The following GHR variants were observed in gnomAD, a reference collection of about 807,000 sequenced individuals.
GHR encodes GH receptor.
GHR carries 35 observed loss-of-function variants against 67.1 expected under a neutral mutation model. The ratio of observed to expected loss-of-function variants is 0.52; its 90% CI spans 0.40 to 0.69. The LOEUF is 0.69. GHR is among the 30% of genes least tolerant of loss of function. The pLI is 0.00. For missense variants in GHR, 792 were observed against 764.6 expected (o/e 1.04, Z -0.42); for synonymous variants, 272 against 269.1 (o/e 1.01, Z -0.10).
At chr5:42,590,109 A>T (rs568030884) in intron 2 of GHR, among the ~76,000 whole-genome samples, 1 of 152,232 alleles carries the variant, frequency 6.6e-6, no homozygotes, top group Non-Finnish European at 1.5e-5. Context: ...AATGAGGAAC[A>T]TATAAAATGT....
chr5:42,619,146 A>G (rs140429631), intron 2 of GHR, among the ~76,000 whole-genome samples: 5 of 152,220 alleles, frequency 3.3e-5, no homozygotes, highest in Non-Finnish European at 7.4e-5. Flanking sequence ...AAGATACATC[A>G]TAAGGGGAAT....
intron 4 of GHR, 137 bp downstream of exon 4, chr5:42,689,156 G>A (rs1201220184): frequency 2.3e-6 from 2 of 854,162 alleles, no homozygotes; most frequent in African/African-American, 1.7e-5. Flanking sequence ...CTCATTTATT[G>A]AAAAAAATAT....
intron 1 of GHR, chr5:42,550,096 G>A (rs1378923952): frequency 1.0e-6 from 1 of 977,710 alleles, no homozygotes; most frequent in African/African-American, 1.8e-5. Context: ...TATTAGCTAT[G>A]ACAGCACGTA....
At chr5:42,430,123 T>G (rs1743028437) in intron 1 of GHR, among the ~76,000 whole-genome samples, 1 of 152,212 alleles carries the variant, frequency 6.6e-6, no homozygotes, top group African/African-American at 2.4e-5. Flanking sequence ...GTTGTAGGTC[T>G]GGACAGGAGC....
chr5:42,646,401 A>G (rs1309452537), intron 3 of GHR: 9 of 452,194 alleles, frequency 2.0e-5, no homozygotes, highest in South Asian at 1.4e-4. Context: ...AGGTTTTGGC[A>G]TGAAAACTAA....
intron 3 of GHR, among the ~76,000 whole-genome samples, chr5:42,648,375 G>C (rs553462862): frequency 1.3e-5 from 2 of 152,286 alleles, no homozygotes; most frequent in African/African-American, 4.8e-5. Flanking sequence ...ATTTTCTAGG[G>C]TGAGGGGACA....
At chr5:42,657,616 G>A (rs1032902935) in intron 3 of GHR, among the ~76,000 whole-genome samples, 2 of 152,070 alleles carry the variant, frequency 1.3e-5, no homozygotes, top group African/African-American at 4.8e-5. Context: ...CTCATAATGG[G>A]AATTTAGAAG....
intron 2 of GHR, among the ~76,000 whole-genome samples, chr5:42,613,352 G>A (rs1752979991): frequency 6.6e-6 from 1 of 152,088 alleles, no homozygotes; most frequent in African/African-American, 2.4e-5. Context: ...CAGTTAAGCT[G>A]TAATCAACTT....
intron 1 of GHR, among the ~76,000 whole-genome samples, chr5:42,480,520 C>A (rs1229504383): frequency 6.6e-6 from 1 of 152,174 alleles, no homozygotes; most frequent in African/African-American, 2.4e-5. Flanking sequence ...GTGTGGGAGT[C>A]TAAGTCTCTT....
rs1301367033 is a variant in GHR, at chr5:42,612,837, T to C, written c.71-16201T>C. ...GAGATTTCAATCTGACTCCAAAGCC[T>C]TGACCCTCACAAACAGTGTTGTTTG... On this transcript the variant is annotated intron_variant, in intron 2 of 9. Transcript: ENST00000230882. Among the ~76,000 whole-genome samples the C allele has an allele frequency of 2.0e-5, 3 of 152,134 alleles. No homozygotes were observed. The East Asian group carries it at 5.8e-4, about 29-fold the overall frequency.
At chr5:42,684,070 A>C (rs781155242) in intron 3 of GHR, among the ~76,000 whole-genome samples, 4 of 152,132 alleles carry the variant, frequency 2.6e-5, no homozygotes, top group Non-Finnish European at 5.9e-5. Context: ...TATTTTACAG[A>C]GAATATAGGA....
Position 42,711,282 on chromosome 5 carries a change from T to G in GHR, c.694T>G (p.Ser232Ala). Residue 232 changes from serine to alanine, a missense_variant, in exon 7 of 10, where the codon TCC (serine) becomes GCC (alanine). Ser to Ala is a moderately conservative substitution (Grantham distance 99). Coordinates refer to ENST00000230882, the MANE Select transcript of GHR (RefSeq NM_000163.5). ...VDKEYEVRVR[S>A]KQRNSGNYGE... ...TAAGGAATATGAAGTGCGTGTGAGATCCAAACAACGAAACTCTGGAAATTA... is the reference window on the plus strand; with the variant it reads ...TAAGGAATATGAAGTGCGTGTGAGAGCCAAACAACGAAACTCTGGAAATTA... 5.0e-6 allele frequency: 8 copies of G among 1,613,016 alleles called. No homozygotes were observed. Among genetic ancestry groups the G allele is most frequent in the Non-Finnish European group, 6.8e-6 (8 of 1,179,018 alleles).
chr5:42,702,885 G>A (rs1757997142), intron 6 of GHR, among the ~76,000 whole-genome samples: 1 of 151,788 alleles, frequency 6.6e-6, no homozygotes, highest in Non-Finnish European at 1.5e-5. Flanking sequence ...TTATATTCAG[G>A]TCCTTTGCCC....
chr5:42,479,768 TTC>T (rs1411845285), intron 1 of GHR, among the ~76,000 whole-genome samples: 1 of 152,204 alleles, frequency 6.6e-6, no homozygotes, highest in Non-Finnish European at 1.5e-5. Flanking sequence ...TATTTGATTA[TTC>T]TCTCTTTTCT....
chr5:42,436,691 T>C (rs368492591), intron 1 of GHR, among the ~76,000 whole-genome samples: 1 of 152,362 alleles, frequency 6.6e-6, no homozygotes, highest in African/African-American at 2.4e-5. Context: ...GCCTGAGTTT[T>C]GGATAGTTGA....
chr5:42,693,381 C>T (rs1200200819), intron 4 of GHR, among the ~76,000 whole-genome samples: 3 of 151,932 alleles, frequency 2.0e-5, no homozygotes, highest in Non-Finnish European at 4.4e-5. Flanking sequence ...ACCCATGATC[C>T]GCCTGCCTCA....
rs2111848365 is a variant in GHR, at chr5:42,424,035, C to G, written c.-12+80C>G. 1 of 154,002 alleles carries G rather than the reference C, an allele frequency of 6.5e-6. No homozygotes were observed. Among genetic ancestry groups the G allele is most frequent in the Middle Eastern group, 3.4e-3 (1 of 294 alleles). The allele number at this position is 154,002 out of a possible 1,614,324, so 9.5% of individuals were successfully genotyped here. On this transcript the variant is annotated intron_variant, in intron 1 of 9. Transcript: ENST00000230882. This position sits in a 1 kb window ranked among gnomAD's most constrained non-coding sequence, Gnocchi z 4.1. ...GGGCCTGAGGGTGAACCCTGGGACT[C>G]TAGTTGTTTATGAAAACGGGAGGAT... is the stretch of plus-strand genomic sequence containing the variant.
intron 2 of GHR, among the ~76,000 whole-genome samples, chr5:42,594,371 C>T (rs755708558): frequency 1.3e-5 from 2 of 152,232 alleles, no homozygotes; most frequent in Non-Finnish European, 2.9e-5. Context: ...GTCACTTCAA[C>T]ACAGGTTGAT....
At chr5:42,611,257 T>C (rs185513967) in intron 2 of GHR, among the ~76,000 whole-genome samples, 7 of 152,014 alleles carry the variant, frequency 4.6e-5, no homozygotes, top group Admixed American at 1.3e-4. Flanking sequence ...AAATGTATGG[T>C]TGGAAAAATG....
Sources: gnomAD v4.1 joint callset for allele counts (sites outside exome capture counted in the v4.1 genomes callset) on GRCh38, gnomAD v4.1.1 for gene constraint, Gnocchi (gnomAD v3.1) non-coding constraint, MANE v1.5 for transcripts, NCBI Gene and HGNC (gene_info 2026-07-23, HGNC 2026-07-21) for gene names.